Variants in TMEM260 observed in about 807,000 individuals in gnomAD.
The protein encoded by TMEM260 is transmembrane protein 260.
A neutral mutation model predicts 88.9 loss-of-function variants in TMEM260; 82 were observed. The observed-to-expected ratio is 0.92, with a 90% confidence interval of 0.77 to 1.11. TMEM260 has a LOEUF of 1.11. Among genes scored for constraint, TMEM260 ranks in the 50% least tolerant of loss-of-function variants. The pLI is 0.00. For missense variants in TMEM260, 902 were observed against 853.4 expected (o/e 1.06, Z -0.71); for synonymous variants, 314 against 309.3 (o/e 1.02, Z -0.16).
intron 3 of TMEM260, among the ~76,000 whole-genome samples, chr14:56,600,261 T>C (rs967040144): frequency 5.3e-5 from 8 of 152,164 alleles, no homozygotes; most frequent in Non-Finnish European, 2.9e-5. Flanking sequence ...CTTAGAGGCG[T>C]ACGTCCTCTC....
At position 56,610,963 on chromosome 14, in the gene TMEM260, C is replaced by CTTTTT. The variant is rs199955365; in HGVS notation, c.817-1279_817-1278insTTTTT. 2.5e-4 allele frequency among the ~76,000 whole-genome samples: 36 copies of CTTTTT among 142,674 alleles called. 1 individual carries two copies. The highest frequency in any genetic ancestry group is 8.9e-4 in the African/African-American group (33 of 37,022). The allele number at this position is 142,674 out of a possible 152,430, so 93.6% of individuals were successfully genotyped here. A position where few individuals can be genotyped will look rare whatever the true frequency, so the allele number is the denominator to read the frequency against. On this transcript the variant is annotated intron_variant, in intron 6 of 15. Transcript: ENST00000261556. The stretch of plus-strand genomic sequence containing the variant: ...CAAATATTCTTTTCTTTCTTTCTTT[C>CTTTTT]TTTCTTTTTTTTTTTTTTTTTGAGA...
At position 56,637,877 on chromosome 14, in the gene TMEM260, G is replaced by C. The variant is rs76156837; in HGVS notation, c.1869+1279G>C. ...ATCCCTGCTATCAAAAAGGTGGCAG[G>C]CTAGAGAGGGAGATGGAAGATCAAG... On this transcript the variant is annotated intron_variant, in intron 15 of 15. Coordinates refer to ENST00000261556, the MANE Select transcript of TMEM260 (RefSeq NM_017799.4). Among the ~76,000 whole-genome samples, 561 of 147,422 alleles carry C rather than the reference G, an allele frequency of 3.8e-3. 7 individuals are homozygous for C. Among genetic ancestry groups the C allele is most frequent in the African/African-American group, 0.013 (537 of 41,278 alleles).
chr14:56,631,226 C>T (rs75847500), intron 12 of TMEM260, among the ~76,000 whole-genome samples: 7,254 of 152,290 alleles, frequency 0.048, 443 homozygotes, highest in African/African-American at 0.14. Flanking sequence ...GGGTTTTATA[C>T]GTTGGCATAC....
intron 8 of TMEM260, chr14:56,616,303 T>C: frequency 3.8e-6 from 1 of 260,884 alleles, no homozygotes; most frequent in East Asian, 6.8e-5. Context: ...CTATAACCGA[T>C]TATTATTGCT....
chr14:56,596,902 A>C (rs1886282225), intron 3 of TMEM260, among the ~76,000 whole-genome samples: 1 of 151,872 alleles, frequency 6.6e-6, no homozygotes, highest in Non-Finnish European at 1.5e-5. Flanking sequence ...GAAGATTTTA[A>C]GTTCTTAAAA....
chr14:56,584,497 A>G (rs1885360162), intron 1 of TMEM260, among the ~76,000 whole-genome samples: 1 of 152,196 alleles, frequency 6.6e-6, no homozygotes, highest in Non-Finnish European at 1.5e-5. Context: ...GTTAATAAAC[A>G]CTTGGAAATC....
intron 3 of TMEM260, among the ~76,000 whole-genome samples, chr14:56,595,419 G>A (rs1047011553): frequency 1.3e-5 from 2 of 152,154 alleles, no homozygotes; most frequent in African/African-American, 4.8e-5. Flanking sequence ...GAAAATTAAG[G>A]AACCTTCTTT....
At chr14:56,600,339 G>GA (rs1332378136) in intron 3 of TMEM260, among the ~76,000 whole-genome samples, 2 of 152,006 alleles carry the variant, frequency 1.3e-5, no homozygotes, top group African/African-American at 4.8e-5. Context: ...AGTTTTCCTT[G>GA]AAAAAATAAT....
the TMEM260 span, among the ~76,000 whole-genome samples, chr14:56,662,784 G>T: frequency 6.6e-6 from 1 of 152,224 alleles, no homozygotes; most frequent in Non-Finnish European, 1.5e-5. Context: ...GGGCATTTGG[G>T]AAGCACAGTT....
In TMEM260 at chr14:56,584,961, C is replaced by G. The variant is rs186962300; in HGVS notation, c.161-40C>G. On this transcript the variant is annotated intron_variant, in intron 1 of 15. Coordinates refer to ENST00000261556, the MANE Select transcript of TMEM260 (RefSeq NM_017799.4). Reference sequence around the variant, plus strand: ...TTGAAAACTTTGGAGGAGTGTCATTCTCTAATAGTAATTATTGGTTTTACA... The same window carrying G: ...TTGAAAACTTTGGAGGAGTGTCATTGTCTAATAGTAATTATTGGTTTTACA... The G allele has an allele frequency of 6.3e-6, 10 of 1,589,332 alleles. No homozygotes were observed. In the Admixed American group the frequency reaches 1.6e-4, roughly 25 times the overall value.
chr14:56,620,693 G>C (rs984172816), intron 10 of TMEM260, among the ~76,000 whole-genome samples: 1 of 152,132 alleles, frequency 6.6e-6, no homozygotes, highest in African/African-American at 2.4e-5. Context: ...ATAATATTCT[G>C]TTCCTAGAGG....
chr14:56,651,664 C>G (rs1890209089), downstream of TMEM260, among the ~76,000 whole-genome samples: 1 of 152,238 alleles, frequency 6.6e-6, no homozygotes, highest in Non-Finnish European at 1.5e-5. Flanking sequence ...TCCCAGTGAT[C>G]CAACCTCACA....
At chr14:56,630,878 C>T (rs1183404808) in intron 12 of TMEM260, among the ~76,000 whole-genome samples, 2 of 152,132 alleles carry the variant, frequency 1.3e-5, no homozygotes, top group African/African-American at 2.4e-5. Context: ...TTCTGGCCTG[C>T]CTTCTGTGAA....
chr14:56,654,223 T>G (rs957488418), downstream of TMEM260, among the ~76,000 whole-genome samples: 1 of 152,194 alleles, frequency 6.6e-6, no homozygotes, highest in Non-Finnish European at 1.5e-5. Context: ...CTTCGGAATA[T>G]ATACCCAAAT....
the TMEM260 span, among the ~76,000 whole-genome samples, chr14:56,657,916 C>A: frequency 6.6e-6 from 1 of 152,204 alleles, no homozygotes; most frequent in Non-Finnish European, 1.5e-5. Context: ...CTTTATCCTT[C>A]TGCTGGTCTC....
the TMEM260 span, among the ~76,000 whole-genome samples, chr14:56,661,900 G>C: frequency 6.6e-6 from 1 of 152,252 alleles, no homozygotes; most frequent in Non-Finnish European, 1.5e-5. Context: ...GGGGGAGAAA[G>C]AGGCAGAGAA....
the TMEM260 span, among the ~76,000 whole-genome samples, chr14:56,658,853 C>T: frequency 2.0e-5 from 3 of 152,252 alleles, no homozygotes; most frequent in South Asian, 6.2e-4. Flanking sequence ...GCCTCAGCCT[C>T]CCAAGTAGCT....
intron 15 of TMEM260, among the ~76,000 whole-genome samples, chr14:56,645,375 G>C (rs982143109): frequency 3.3e-5 from 5 of 151,870 alleles, no homozygotes; most frequent in Non-Finnish European, 5.9e-5. Context: ...CCATCATTCT[G>C]AGCAAACTAT....
rs986078641 is a variant in TMEM260 at position 56,585,902 on chromosome 14, A to C, written c.334A>C (p.Thr112Pro). The change falls in exon 3 of 16, where the codon ACC (threonine) becomes CCC (proline). Residue 112 changes from threonine (T) to proline (P), a missense_variant. Physicochemically the swap from Thr to Pro is conservative, Grantham distance 38 (BLOSUM62 -1). Transcript: ENST00000261556. ...GAVAASLLFF[T>P]VFRLSGSSAG... ...AGTAGCTGCATCATTACTTTTTTTCACCGTTTTCAGGTAAAGTAGTTGATT... is the reference window on the plus strand; with the variant it reads ...AGTAGCTGCATCATTACTTTTTTTCCCCGTTTTCAGGTAAAGTAGTTGATT... 6.2e-7 allele frequency: 1 copy of C among 1,610,646 alleles called. No homozygotes were observed. The highest frequency in any genetic ancestry group is 8.5e-7 in the Non-Finnish European group (1 of 1,178,894).
Sources: allele counts gnomAD v4.1 joint callset (sites outside exome capture counted in the v4.1 genomes callset), GRCh38; gene constraint gnomAD v4.1.1; transcripts MANE v1.5; gene names NCBI Gene and HGNC (gene_info 2026-07-23, HGNC 2026-07-21).